EXOC4: variants seen among roughly 807,000 people sequenced by gnomAD.
EXOC4 encodes the protein SEC8-like 1.
EXOC4 carries 71 observed loss-of-function variants against 107.2 expected under a neutral mutation model. The ratio of observed to expected loss-of-function variants is 0.66; its 90% CI spans 0.55 to 0.81. EXOC4 has a LOEUF of 0.81. Among genes scored for constraint, EXOC4 ranks in the 30% least tolerant of loss-of-function variants. The probability of loss-of-function intolerance (pLI) is 0.00; values close to 1 mark genes in which losing one functional copy is unlikely to be tolerated. For synonymous variants in EXOC4, 456 were observed against 441.2 expected (o/e 1.03, Z -0.42); for missense variants, 1,108 against 1,189.6 (o/e 0.93, Z 1.01).
chr7:133,438,348 C>A (rs1798023619), intron 7 of EXOC4, among the ~76,000 whole-genome samples: 1 of 152,066 alleles, frequency 6.6e-6, no homozygotes, highest in Admixed American at 6.5e-5. Flanking sequence ...TTAAATAGTT[C>A]TTATATTAGT....
At chr7:134,051,140 G>A (rs986376568) in intron 17 of EXOC4, among the ~76,000 whole-genome samples, 1 of 152,170 alleles carries the variant, frequency 6.6e-6, no homozygotes, top group Admixed American at 6.5e-5. Flanking sequence ...CCTGACAAGG[G>A]CAGCTGATAG....
chr7:133,903,265 C>T (rs754673475), intron 12 of EXOC4, among the ~76,000 whole-genome samples: 1 of 152,100 alleles, frequency 6.6e-6, no homozygotes, highest in Non-Finnish European at 1.5e-5. Context: ...AAGGATTGTG[C>T]GTAGGAGCAG....
chr7:134,030,893 A>G lies in EXOC4; in HGVS notation c.2687+23058A>G, dbSNP rs571338137. ...TTTTGCAAAACCTCCTGGCCTTCCA[A>G]GAAGTTTTGCATCTTTCCCTATAAC... On this transcript the variant is annotated intron_variant, in intron 17 of 17. Coordinates refer to ENST00000253861, the MANE Select transcript of EXOC4 (RefSeq NM_021807.4). Among the ~76,000 whole-genome samples, 11 of 152,166 alleles carry G rather than the reference A, an allele frequency of 7.2e-5. No homozygotes were observed. In the South Asian group the frequency reaches 2.1e-3, roughly 29 times the overall value.
intron 17 of EXOC4, among the ~76,000 whole-genome samples, chr7:134,041,072 C>T (rs1795505485): frequency 6.6e-6 from 1 of 152,160 alleles, no homozygotes; most frequent in Non-Finnish European, 1.5e-5. Context: ...GCCTCCTCTC[C>T]CCATGATTAT....
chr7:133,644,801 C>T (rs1419705759), intron 10 of EXOC4, among the ~76,000 whole-genome samples: 1 of 152,080 alleles, frequency 6.6e-6, no homozygotes, highest in Non-Finnish European at 1.5e-5. Context: ...TTTGGTGGCC[C>T]CCCTCACGCC....
chr7:133,682,283 T>G (rs997988220), intron 10 of EXOC4, among the ~76,000 whole-genome samples: 13 of 152,224 alleles, frequency 8.5e-5, no homozygotes, highest in Non-Finnish European at 1.6e-4. Context: ...TTTTTGTATT[T>G]TTAAAAAGTT....
chr7:133,488,861 A>T (rs1382437747), intron 9 of EXOC4, among the ~76,000 whole-genome samples: 1 of 151,332 alleles, frequency 6.6e-6, no homozygotes, highest in Non-Finnish European at 1.5e-5. Flanking sequence ...AGGTAGTCAT[A>T]TAAGAAAATA....
chr7:133,747,681 A>G (rs946353433), intron 10 of EXOC4, among the ~76,000 whole-genome samples: 1 of 152,084 alleles, frequency 6.6e-6, no homozygotes, highest in African/African-American at 2.4e-5. Flanking sequence ...ACCTTGGTGT[A>G]TTCATTTACC....
At chr7:134,050,955 G>A (rs1795770889) in intron 17 of EXOC4, among the ~76,000 whole-genome samples, 2 of 152,068 alleles carry the variant, frequency 1.3e-5, no homozygotes, top group South Asian at 4.2e-4. Context: ...GAAGAGTGTA[G>A]GATCTGTGAT....
chr7:133,742,359 T>C (rs73724725), intron 10 of EXOC4, among the ~76,000 whole-genome samples: 2,376 of 152,304 alleles, frequency 0.016, 61 homozygotes, highest in African/African-American at 0.054. Context: ...CTTTAAAAGA[T>C]ACAGTAAAAC....
rs892548758 is a variant in EXOC4 at position 133,429,213 on chromosome 7, A to AT, written c.1183-46106dup. Among the ~76,000 whole-genome samples, 11 of 151,694 alleles carry AT rather than the reference A, an allele frequency of 7.3e-5. No individual in the cohort carries two copies. The East Asian group carries it at 1.2e-3, about 16-fold the overall frequency. On this transcript the variant is annotated intron_variant, in intron 7 of 17. Coordinates refer to ENST00000253861, the MANE Select transcript of EXOC4 (RefSeq NM_021807.4). ...AGAATTGATGGAAACATGACTTTTA[A>AT]TTTTTTTTTGAATCAATCTTGATGT...
At chr7:133,512,018 G>A (rs1799779368) in intron 9 of EXOC4, among the ~76,000 whole-genome samples, 1 of 152,188 alleles carries the variant, frequency 6.6e-6, no homozygotes, top group Admixed American at 6.5e-5. Flanking sequence ...ATGTCGATGA[G>A]ACAAAATGGA....
rs559629017 is a variant in EXOC4, at chr7:133,343,557, A to G, written c.764-12773A>G. ...CTCCCAATGTGACAGGATTACAGAC[A>G]TGAGCCACGCACTCGACTTAATCTT... On this transcript the variant is annotated intron_variant, in intron 5 of 17. Coordinates refer to ENST00000253861, the MANE Select transcript of EXOC4 (RefSeq NM_021807.4). Among the ~76,000 whole-genome samples, 19 of 150,596 alleles carry G rather than the reference A, an allele frequency of 1.3e-4. 1 individual carries two copies. In the South Asian group the frequency reaches 3.1e-3, roughly 25 times the overall value.
chr7:133,754,406 A>G lies in EXOC4; in HGVS notation c.1515-62919A>G, dbSNP rs1022479822. ...ATGCCTCTCAAGAGCTCAAAGGGCT[A>G]TCAGTAAAAGGTTTATGGAAGGGAG... On this transcript the variant is annotated intron_variant, in intron 10 of 17. Coordinates refer to ENST00000253861, the MANE Select transcript of EXOC4 (RefSeq NM_021807.4). Among the ~76,000 whole-genome samples the G allele has an allele frequency of 2.0e-5, 3 of 152,316 alleles. No individual in the cohort carries two copies. The South Asian group carries it at 6.2e-4, about 32-fold the overall frequency.
intron 7 of EXOC4, among the ~76,000 whole-genome samples, chr7:133,394,938 C>G (rs1796937448): frequency 6.6e-6 from 1 of 151,510 alleles, no homozygotes; most frequent in Non-Finnish European, 1.5e-5. Context: ...AAAAAAGAAA[C>G]TATAAAAATA....
intron 9 of EXOC4, among the ~76,000 whole-genome samples, chr7:133,548,633 G>A (rs1199495019): frequency 6.6e-6 from 1 of 152,136 alleles, no homozygotes; most frequent in Non-Finnish European, 1.5e-5. Context: ...TTATATAGAT[G>A]GCTTCTTTCC....
At chr7:133,352,730 A>C (rs1271912923) in intron 5 of EXOC4, among the ~76,000 whole-genome samples, 1 of 151,928 alleles carries the variant, frequency 6.6e-6, no homozygotes, top group Non-Finnish European at 1.5e-5. Context: ...GTTCTACATT[A>C]CTGTATTATT....
chr7:133,874,263 G>A (rs1394733408), intron 11 of EXOC4, among the ~76,000 whole-genome samples: 1 of 152,122 alleles, frequency 6.6e-6, no homozygotes, highest in African/African-American at 2.4e-5. Context: ...TTTGATTTTT[G>A]CCCAGTGGTG....
intron 14 of EXOC4, among the ~76,000 whole-genome samples, chr7:133,948,988 AG>A (rs1178768275): frequency 3.5e-4 from 53 of 152,348 alleles, no homozygotes; most frequent in African/African-American, 1.3e-3. Context: ...CCAAAGCTAC[AG>A]CAGCAAGGCG....
Sources: allele counts gnomAD v4.1 joint callset (sites outside exome capture counted in the v4.1 genomes callset), GRCh38; gene constraint gnomAD v4.1.1; transcripts MANE v1.5; gene names NCBI Gene and HGNC (gene_info 2026-07-23, HGNC 2026-07-21).